Variants in FAM13C observed in about 807,000 individuals in gnomAD.
The protein encoded by FAM13C is family with sequence similarity 13 member C.
In FAM13C, 37 loss-of-function variants were observed where a neutral mutation model predicts 73.2. The ratio of observed to expected loss-of-function variants is 0.51; its 90% confidence interval spans 0.39 to 0.67. The LOEUF (loss-of-function observed/expected upper bound fraction) is 0.67. Ranked by LOEUF, FAM13C falls within the 30% of genes least tolerant of loss-of-function variation. The pLI is 0.00. For missense variants in FAM13C, 589 were observed against 715.6 expected, an observed-to-expected ratio of 0.82 and a Z score of 2.02; for synonymous variants, 246 against 260.9, an observed-to-expected ratio of 0.94 and a Z score of 0.55.
At chr10:59,353,781 C>T (rs1428270142) in intron 2 of FAM13C, among the ~76,000 whole-genome samples, 2 of 152,174 alleles carry the variant, frequency 1.3e-5, no homozygotes, top group South Asian at 2.1e-4. Flanking sequence ...CATAGTTAAA[C>T]TTGAATCCAG....
chr10:59,292,011 A>G (rs992567437), intron 5 of FAM13C, among the ~76,000 whole-genome samples: 1 of 152,014 alleles, frequency 6.6e-6, no homozygotes, highest in Non-Finnish European at 1.5e-5. Context: ...GATGGTCTCT[A>G]TCTCCTGACC....
chr10:59,262,747 A>C, intron 9 of FAM13C, 102 bp from the exon 10 acceptor site: 1 of 922,112 alleles, frequency 1.1e-6, no homozygotes, highest in Non-Finnish European at 1.7e-6. Flanking sequence ...AATCTGTAGA[A>C]ATGAACACTA....
chr10:59,258,035 A>G (rs906161385), intron 10 of FAM13C, among the ~76,000 whole-genome samples: 1 of 152,214 alleles, frequency 6.6e-6, no homozygotes, highest in Non-Finnish European at 1.5e-5. Flanking sequence ...AATAAAAAAG[A>G]ATGCCACAGT....
intron 10 of FAM13C, among the ~76,000 whole-genome samples, chr10:59,255,828 CT>C (rs1841899201): frequency 6.6e-6 from 1 of 152,130 alleles, no homozygotes; most frequent in Admixed American, 6.6e-5. Context: ...TTATCTGGGC[CT>C]TAACTGTTTT....
At chr10:59,361,925 A>G (rs1856467614) in intron 1 of FAM13C, among the ~76,000 whole-genome samples, 2 of 152,048 alleles carry the variant, frequency 1.3e-5, no homozygotes, top group Non-Finnish European at 2.9e-5. Context: ...CAAAAAGTTT[A>G]CTCTGATATG....
intron 12 of FAM13C, among the ~76,000 whole-genome samples, chr10:59,252,001 A>G (rs1841427992): frequency 6.6e-6 from 1 of 152,198 alleles, no homozygotes; most frequent in Non-Finnish European, 1.5e-5. Context: ...AGGAATACTC[A>G]TCAGCATTTG....
intron 2 of FAM13C, 127 bp downstream of exon 2, chr10:59,355,760 T>C: frequency 2.1e-6 from 2 of 971,300 alleles, no homozygotes; most frequent in East Asian, 4.9e-5. Context: ...AAAAATCTAG[T>C]AGAAGAGATG....
chr10:59,316,047 A>G (rs1849489503), intron 4 of FAM13C, among the ~76,000 whole-genome samples: 1 of 151,848 alleles, frequency 6.6e-6, no homozygotes. Context: ...CTCATGTCTC[A>G]GCCTCCCAAG....
chr10:59,343,944 T>G (rs1000759993), intron 3 of FAM13C, among the ~76,000 whole-genome samples: 2 of 151,416 alleles, frequency 1.3e-5, no homozygotes, highest in Non-Finnish European at 2.9e-5. Context: ...CTCTATAAAC[T>G]ATTTCTTTTT....
rs1564495021 is a variant in FAM13C at position 59,265,329 on chromosome 10, G to GT, written c.943-1164_943-1163insA. Among the ~76,000 whole-genome samples the GT allele has an allele frequency of 5.7e-5, 3 of 52,616 alleles. 1 individual carries two copies. Among genetic ancestry groups the GT allele is most frequent in the Non-Finnish European group, 1.3e-4 (3 of 22,602 alleles). The allele number at this position is 52,616 out of a possible 152,430, so 34.5% of individuals were successfully genotyped here. A position where few individuals can be genotyped will look rare whatever the true frequency, so the allele number is the denominator to read the frequency against. ...ATAGGGAAGGGGTTTTGGCGGGGGG[G>GT]GGGGGGAATCCTGGTTTCAGGACCA... On this transcript the variant is annotated intron_variant, in intron 8 of 13. Transcript: ENST00000618804.
intron 6 of FAM13C, among the ~76,000 whole-genome samples, chr10:59,271,867 A>G (rs1589411799): frequency 1.3e-5 from 2 of 152,282 alleles, no homozygotes; most frequent in East Asian, 1.9e-4. Flanking sequence ...ACCTGGGACC[A>G]CCATATTTTT....
intron 2 of FAM13C, 108 bp from the exon 3 acceptor site, chr10:59,352,582 C>T (rs1855209681): frequency 1.6e-6 from 2 of 1,227,656 alleles, no homozygotes; most frequent in Non-Finnish European, 2.2e-6. Flanking sequence ...ATAGGATAGA[C>T]ACCTCGCAAA....
At chr10:59,273,494 T>C (rs1843960483) in intron 6 of FAM13C, among the ~76,000 whole-genome samples, 1 of 152,136 alleles carries the variant, frequency 6.6e-6, no homozygotes. Flanking sequence ...AACATAATAA[T>C]CATCATATCT....
At chr10:59,273,875 C>A (rs1407961374) in intron 6 of FAM13C, among the ~76,000 whole-genome samples, 1 of 152,184 alleles carries the variant, frequency 6.6e-6, no homozygotes, top group Non-Finnish European at 1.5e-5. Context: ...ATTTAAAAAT[C>A]TATCTTTCTA....
intron 6 of FAM13C, among the ~76,000 whole-genome samples, chr10:59,281,080 G>A (rs995336806): frequency 1.3e-5 from 2 of 152,204 alleles, no homozygotes; most frequent in African/African-American, 4.8e-5. Context: ...TACATGTAAG[G>A]CTCAGAGATA....
intron 5 of FAM13C, among the ~76,000 whole-genome samples, chr10:59,301,860 A>T (rs2133857589): frequency 6.6e-6 from 1 of 152,346 alleles, no homozygotes; most frequent in East Asian, 1.9e-4. Flanking sequence ...AACTTGGCTT[A>T]ACCAAGCAGC....
At chr10:59,256,853 A>G (rs1841992424) in intron 10 of FAM13C, among the ~76,000 whole-genome samples, 1 of 152,206 alleles carries the variant, frequency 6.6e-6, no homozygotes, top group African/African-American at 2.4e-5. Flanking sequence ...ACTGTCTGCT[A>G]AGAATCAGAT....
At chr10:59,350,258 A>T (rs1313639386) in intron 3 of FAM13C, among the ~76,000 whole-genome samples, 1 of 152,188 alleles carries the variant, frequency 6.6e-6, no homozygotes, top group Non-Finnish European at 1.5e-5. Context: ...CCTGAAATCT[A>T]CCTGTGTATG....
At chr10:59,319,008 G>T (rs1366390399) in intron 4 of FAM13C, among the ~76,000 whole-genome samples, 2 of 150,772 alleles carry the variant, frequency 1.3e-5, no homozygotes, top group East Asian at 3.9e-4. Context: ...CTGTTTAGCA[G>T]AACTCATTAA....
Sources: gnomAD v4.1 joint callset for allele counts (sites outside exome capture counted in the v4.1 genomes callset) on GRCh38, gnomAD v4.1.1 for gene constraint, MANE v1.5 for transcripts, NCBI Gene and HGNC (gene_info 2026-07-23, HGNC 2026-07-21) for gene names.